SOX5: variants seen among roughly 807,000 people sequenced by gnomAD.
SOX5 encodes SRY-box transcription factor 5.
In SOX5, 9 loss-of-function variants were observed where a neutral mutation model predicts 92.0. The observed-to-expected ratio is 0.10, with a 90% CI of 0.06 to 0.17. The LOEUF (loss-of-function observed/expected upper bound fraction) is 0.17. Ranked by LOEUF, SOX5 falls within the 10% of genes least tolerant of loss-of-function variation. The pLI, the probability that SOX5 is intolerant of heterozygous loss-of-function variation, is 1.00. For missense variants in SOX5, 642 were observed against 944.5 expected, an observed-to-expected ratio of 0.68 and a Z score of 4.20; for synonymous variants, 344 against 336.3, an observed-to-expected ratio of 1.02 and a Z score of -0.25.
chr12:24,397,346 AG>A (rs1960305662), intron 1 of SOX5, among the ~76,000 whole-genome samples: 1 of 152,248 alleles, frequency 6.6e-6, no homozygotes, highest in Admixed American at 6.5e-5. Flanking sequence ...AATGCTTTAC[AG>A]CATAAGATCT....
At chr12:24,248,185 T>C (rs753516160) in intron 3 of SOX5, among the ~76,000 whole-genome samples, 2 of 152,154 alleles carry the variant, frequency 1.3e-5, no homozygotes, top group African/African-American at 2.4e-5. Flanking sequence ...AGAAATACAC[T>C]GTTGGGGAAT....
chr12:24,357,771 G>A (rs1238630484), intron 2 of SOX5, among the ~76,000 whole-genome samples: 1 of 151,580 alleles, frequency 6.6e-6, no homozygotes, highest in Non-Finnish European at 1.5e-5. Flanking sequence ...AACCTGGGAG[G>A]CGGAGGTTGC....
chr12:24,066,650 C>A (rs533163500), intron 4 of SOX5, among the ~76,000 whole-genome samples: 2 of 152,138 alleles, frequency 1.3e-5, no homozygotes, highest in Non-Finnish European at 2.9e-5. Flanking sequence ...TACATTTCTG[C>A]AGAAATTAAT....
chr12:23,631,393 C>T (rs565689964), intron 8 of SOX5, among the ~76,000 whole-genome samples: 1 of 151,970 alleles, frequency 6.6e-6, no homozygotes, highest in South Asian at 2.1e-4. Flanking sequence ...CATTAGTTGC[C>T]CTCTCTTCTT....
chr12:23,798,171 G>T (rs1159432805), intron 3 of SOX5, among the ~76,000 whole-genome samples: 3 of 151,420 alleles, frequency 2.0e-5, no homozygotes, highest in African/African-American at 7.3e-5. Context: ...TTTTTAATCT[G>T]ATTACTCCCA....
chr12:24,390,789 T>TACATATGTG (rs1333597223), intron 1 of SOX5, among the ~76,000 whole-genome samples: 1 of 152,162 alleles, frequency 6.6e-6, no homozygotes, highest in Non-Finnish European at 1.5e-5. Flanking sequence ...GTGGCATGTG[T>TACATATGTG]ACATATGTGT....
chr12:24,080,362 A>G (rs1943176478), intron 4 of SOX5, among the ~76,000 whole-genome samples: 1 of 151,996 alleles, frequency 6.6e-6, no homozygotes, highest in African/African-American at 2.4e-5. Flanking sequence ...TTGAATATCA[A>G]ATTAAAATTT....
intron 4 of SOX5, among the ~76,000 whole-genome samples, chr12:24,114,808 T>C (rs1220961319): frequency 6.6e-6 from 1 of 151,770 alleles, no homozygotes; most frequent in Non-Finnish European, 1.5e-5. Context: ...TAGTGGTGCA[T>C]GCCTATAGTC....
intron 3 of SOX5, among the ~76,000 whole-genome samples, chr12:23,790,531 CTCTCTCTCTCAA>C (rs888693147): frequency 3.4e-5 from 3 of 87,380 alleles, no homozygotes; most frequent in African/African-American, 1.3e-4. Flanking sequence ...CTCTCTCTCT[CTCTCTCTCTCAA>C]TCTCTCACAC....
intron 1 of SOX5, among the ~76,000 whole-genome samples, chr12:24,479,138 A>G (rs921941990): frequency 1.3e-5 from 2 of 152,188 alleles, no homozygotes; most frequent in Non-Finnish European, 1.5e-5. Flanking sequence ...AGTTCTCTCT[A>G]TAAGAAATGT....
chr12:24,300,882 C>G (rs1477568695), intron 2 of SOX5, among the ~76,000 whole-genome samples: 1 of 152,148 alleles, frequency 6.6e-6, no homozygotes, highest in South Asian at 2.1e-4. Flanking sequence ...AATATGTGTG[C>G]CTTAACTGGA....
intron 4 of SOX5, among the ~76,000 whole-genome samples, chr12:24,046,983 G>A (rs576427866): frequency 4.6e-5 from 7 of 152,116 alleles, no homozygotes; most frequent in South Asian, 4.1e-4. Flanking sequence ...CACCGCTCCC[G>A]GCCCTGAATT....
At position 23,965,323 on chromosome 12, in the gene SOX5, C is replaced by G. The variant is rs113418434; in HGVS notation, c.-1-69299G>C. Among the ~76,000 whole-genome samples the G allele has an allele frequency of 8.5e-3, 1,298 of 152,252 alleles. 10 individuals are homozygous for G. The highest frequency in any genetic ancestry group is 0.013 in the African/African-American group (558 of 41,554). Reference sequence around the variant, plus strand: ...TGGGTGGCCTGCACTACGTTTGAGGCGAAGGCTTACCTTCCTATCAGCTTG... The same window carrying G: ...TGGGTGGCCTGCACTACGTTTGAGGGGAAGGCTTACCTTCCTATCAGCTTG... On this transcript the variant is annotated intron_variant, in intron 4 of 4. Coordinates refer to the SOX5 transcript ENST00000446891.
intron 3 of SOX5, among the ~76,000 whole-genome samples, chr12:23,835,394 G>A (rs896413970): frequency 6.6e-6 from 1 of 151,760 alleles, no homozygotes; most frequent in Non-Finnish European, 1.5e-5. Context: ...ATATATCTCT[G>A]TCTTGGTCTC....
chr12:24,405,202 C>T (rs889490035), intron 1 of SOX5, among the ~76,000 whole-genome samples: 5 of 152,150 alleles, frequency 3.3e-5, no homozygotes, highest in African/African-American at 9.7e-5. Context: ...CCTCAAATGT[C>T]AAATCCTTAA....
chr12:24,018,020 T>C (rs989591419), intron 4 of SOX5, among the ~76,000 whole-genome samples: 49 of 152,326 alleles, frequency 3.2e-4, no homozygotes, highest in African/African-American at 1.1e-3. Flanking sequence ...CCAAACCTTC[T>C]TATATCTTCT....
At chr12:23,639,378 C>T (rs972704815) in intron 8 of SOX5, among the ~76,000 whole-genome samples, 9 of 152,232 alleles carry the variant, frequency 5.9e-5, no homozygotes, top group Admixed American at 2.0e-4. Flanking sequence ...TTCCTCTCAT[C>T]GCTAATCCAA....
chr12:24,434,930 C>T (rs1189139297), intron 1 of SOX5, among the ~76,000 whole-genome samples: 3 of 152,194 alleles, frequency 2.0e-5, no homozygotes, highest in Non-Finnish European at 4.4e-5. Context: ...AGTCTGTGTC[C>T]CTCAAATACC....
chr12:24,184,193 C>A (rs892870997), intron 4 of SOX5, among the ~76,000 whole-genome samples: 1 of 152,006 alleles, frequency 6.6e-6, no homozygotes, highest in Non-Finnish European at 1.5e-5. Flanking sequence ...CATTGACAAC[C>A]AGAAAGAAAT....
Sources: allele counts gnomAD v4.1 joint callset (sites outside exome capture counted in the v4.1 genomes callset), GRCh38; gene constraint gnomAD v4.1.1; transcripts MANE v1.5; gene names NCBI Gene and HGNC (gene_info 2026-07-23, HGNC 2026-07-21).